The following METTL15 variants were observed in gnomAD, a reference collection of about 807,000 sequenced individuals.
METTL15 encodes 12S rRNA N(4)-cytidine methyltransferase METTL15.
In METTL15, 34 loss-of-function variants were observed where a neutral mutation model predicts 38.3. The observed-to-expected ratio is 0.89, with a 90% CI of 0.68 to 1.18. The LOEUF is 1.18. METTL15 is among the 50% of genes most tolerant of loss of function. The probability of loss-of-function intolerance (pLI) is 0.00; values close to 1 mark genes in which losing one functional copy is unlikely to be tolerated. For missense variants in METTL15, 438 were observed against 498.4 expected (o/e 0.88, Z 1.15); for synonymous variants, 162 against 170.9 (o/e 0.95, Z 0.41).
downstream of METTL15, among the ~76,000 whole-genome samples, chr11:28,335,668 T>A (rs377485133): frequency 2.6e-5 from 4 of 152,258 alleles, no homozygotes; most frequent in African/African-American, 9.6e-5. Flanking sequence ...CAATTGTTTT[T>A]GCTGTATCAA....
chr11:28,344,594 C>T (rs1275818589), intron 3 of METTL15, among the ~76,000 whole-genome samples: 4 of 152,162 alleles, frequency 2.6e-5, no homozygotes, highest in Non-Finnish European at 4.4e-5. Flanking sequence ...AGATTTCTGC[C>T]TTTGAACCTC....
intron 3 of METTL15, among the ~76,000 whole-genome samples, chr11:28,120,173 C>G (rs1342426467): frequency 6.6e-6 from 1 of 151,578 alleles, no homozygotes; most frequent in African/African-American, 2.4e-5. Context: ...AGGATGGTCT[C>G]CATCTCCTGA....
At chr11:28,240,206 A>C (rs1302649558) in intron 4 of METTL15, among the ~76,000 whole-genome samples, 1 of 152,218 alleles carries the variant, frequency 6.6e-6, no homozygotes, top group East Asian at 1.9e-4. Context: ...AACTAAGTAA[A>C]TATATATAAC....
At chr11:28,180,088 A>G (rs1005361937) in intron 3 of METTL15, among the ~76,000 whole-genome samples, 9 of 151,868 alleles carry the variant, frequency 5.9e-5, no homozygotes, top group Admixed American at 5.9e-4. Context: ...TAACAAAGCT[A>G]TAATCCTACT....
At chr11:28,490,244 TGG>T (rs1394244553) in intron 6 of METTL15, among the ~76,000 whole-genome samples, 2 of 152,138 alleles carry the variant, frequency 1.3e-5, no homozygotes, top group Non-Finnish European at 2.9e-5. Context: ...CCAGGGATGG[TGG>T]TAGAATTGTT....
intron 4 of METTL15, among the ~76,000 whole-genome samples, chr11:28,358,192 T>G (rs971926892): frequency 1.3e-5 from 2 of 152,114 alleles, no homozygotes; most frequent in Admixed American, 1.3e-4. Flanking sequence ...AACTAAATTC[T>G]GTCAACAGCC....
At chr11:28,168,851 A>T (rs545878769) in intron 3 of METTL15, among the ~76,000 whole-genome samples, 1 of 152,130 alleles carries the variant, frequency 6.6e-6, no homozygotes, top group Non-Finnish European at 1.5e-5. Flanking sequence ...CCGGTGGGAA[A>T]ATGCTGACAC....
intron 3 of METTL15, among the ~76,000 whole-genome samples, chr11:28,204,135 A>T (rs532576386): frequency 6.6e-6 from 1 of 152,188 alleles, no homozygotes; most frequent in South Asian, 2.1e-4. Context: ...ACTGTTTTGC[A>T]CTGATGCTGC....
At chr11:28,456,738 C>T (rs1441022942) in intron 6 of METTL15, among the ~76,000 whole-genome samples, 1 of 152,116 alleles carries the variant, frequency 6.6e-6, no homozygotes, top group Non-Finnish European at 1.5e-5. Context: ...CCGCACCTGG[C>T]CACAGCCCCC....
downstream of METTL15, among the ~76,000 whole-genome samples, chr11:28,335,583 G>A (rs1197039682): frequency 6.6e-6 from 1 of 152,142 alleles, no homozygotes; most frequent in Non-Finnish European, 1.5e-5. Flanking sequence ...AATGTTAGAG[G>A]TGGTACCTAA....
At position 28,311,242 on chromosome 11, in the gene METTL15, G is replaced by T. The variant is rs1857293986; in HGVS notation, c.778+14311G>T. 2.0e-5 allele frequency among the ~76,000 whole-genome samples: 3 copies of T among 152,020 alleles called. No individual in the cohort carries two copies. In the South Asian group the frequency reaches 6.2e-4, roughly 31 times the overall value. On this transcript the variant is annotated intron_variant, in intron 6 of 6. Coordinates refer to ENST00000407364, the MANE Select transcript of METTL15 (RefSeq NM_001113528.2). ...TTCTCTTTCTCAGTGAGAGAAACAG[G>T]CAATAAATATTCAAATCATTCAAAT...
intron 5 of METTL15, among the ~76,000 whole-genome samples, chr11:28,380,817 A>T (rs1271460199): frequency 1.4e-5 from 2 of 145,326 alleles, no homozygotes; most frequent in Admixed American, 1.4e-4. Flanking sequence ...GCTTTGCTAG[A>T]TGTAGTATTA....
intron 4 of METTL15, among the ~76,000 whole-genome samples, chr11:28,255,376 T>C (rs1419405461): frequency 6.6e-6 from 1 of 152,188 alleles, no homozygotes; most frequent in African/African-American, 2.4e-5. Flanking sequence ...TTTCTAAATA[T>C]AAGATCATAT....
At chr11:28,172,050 C>T (rs1850878558) in intron 3 of METTL15, among the ~76,000 whole-genome samples, 1 of 152,168 alleles carries the variant, frequency 6.6e-6, no homozygotes, top group Non-Finnish European at 1.5e-5. Flanking sequence ...GTTCTCCTGT[C>T]TCAGCCTTCC....
chr11:28,375,797 G>A (rs1226666621), intron 5 of METTL15, among the ~76,000 whole-genome samples: 3 of 151,396 alleles, frequency 2.0e-5, no homozygotes, highest in Non-Finnish European at 4.4e-5. Flanking sequence ...TTCTCTTGTG[G>A]GTATTTAGTG....
At chr11:28,414,447 T>C (rs1441573573) in intron 5 of METTL15, among the ~76,000 whole-genome samples, 1 of 151,942 alleles carries the variant, frequency 6.6e-6, no homozygotes. Flanking sequence ...GCTCCGTTCT[T>C]CCCCCAGCCT....
intron 6 of METTL15, among the ~76,000 whole-genome samples, chr11:28,442,411 GT>G (rs111679339): frequency 6.3e-4 from 93 of 147,988 alleles, no homozygotes; most frequent in African/African-American, 1.8e-3. Flanking sequence ...TTTCGAAACA[GT>G]TTTTTTTTTT....
intron 3 of METTL15, among the ~76,000 whole-genome samples, chr11:28,348,552 G>C (rs929443431): frequency 6.6e-6 from 1 of 151,936 alleles, no homozygotes; most frequent in African/African-American, 2.4e-5. Context: ...ATTTTTTGTA[G>C]AGAACGGAGT....
At chr11:28,424,749 G>A (rs1850850078) in intron 6 of METTL15, among the ~76,000 whole-genome samples, 2 of 152,262 alleles carry the variant, frequency 1.3e-5, no homozygotes, top group South Asian at 4.1e-4. Flanking sequence ...TCCACCAAGA[G>A]ATGTGGAAGG....
Sources: allele counts gnomAD v4.1 joint callset (sites outside exome capture counted in the v4.1 genomes callset), GRCh38; gene constraint gnomAD v4.1.1; transcripts MANE v1.5; gene names NCBI Gene and HGNC (gene_info 2026-07-23, HGNC 2026-07-21).